The following ANK1 variants were observed in gnomAD, a reference collection of about 807,000 sequenced individuals.
ANK1 encodes ankyrin-1.
ANK1 carries 51 observed loss-of-function variants against 210.4 expected under a neutral mutation model. The observed-to-expected ratio is 0.24, with a 90% CI of 0.19 to 0.31. The LOEUF (loss-of-function observed/expected upper bound fraction) is 0.31. Among genes scored for constraint, ANK1 ranks in the 10% least tolerant of loss-of-function variants. ANK1 has a pLI of 1.00. For missense variants in ANK1, 2,051 were observed against 2,504.4 expected (o/e 0.82, Z 3.86); for synonymous variants, 967 against 1,025.9 (o/e 0.94, Z 1.10).
intron 14 of ANK1, 52 bp downstream of exon 14, chr8:41,715,600 C>A: frequency 1.2e-6 from 2 of 1,604,552 alleles, no homozygotes; most frequent in East Asian, 2.2e-5. Flanking sequence ...GAGCTCCAGG[C>A]CTGGCTGAGT....
At chr8:41,823,958 T>C (rs111896456) in intron 1 of ANK1, among the ~76,000 whole-genome samples, 1,744 of 152,080 alleles carry the variant, frequency 0.011, 21 homozygotes, top group Non-Finnish European at 0.018. Flanking sequence ...GTATTTTTTG[T>C]TTTGTCTTGT....
chr8:41,708,636 G>A, intron 17 of ANK1, 142 bp downstream of exon 17: 1 of 945,122 alleles, frequency 1.1e-6, no homozygotes, highest in South Asian at 1.3e-5. Flanking sequence ...ATAAAATGAA[G>A]GTGAAATGTA....
intron 1 of ANK1, among the ~76,000 whole-genome samples, chr8:41,859,007 T>C (rs1401761017): frequency 6.6e-6 from 1 of 152,170 alleles, no homozygotes; most frequent in African/African-American, 2.4e-5. Flanking sequence ...CCCAGGACTA[T>C]TAGTTGCTGA....
At chr8:41,881,099 C>T (rs1010985774) in intron 1 of ANK1, among the ~76,000 whole-genome samples, 1 of 152,218 alleles carries the variant, frequency 6.6e-6, no homozygotes, top group Non-Finnish European at 1.5e-5. Flanking sequence ...GTGATCTGGA[C>T]AAGCCATTTC....
intron 2 of ANK1, among the ~76,000 whole-genome samples, chr8:41,751,200 C>G (rs1178953860): frequency 6.6e-6 from 1 of 152,154 alleles, no homozygotes; most frequent in Non-Finnish European, 1.5e-5. Context: ...AACAATAATT[C>G]TGGAAACTGA....
chr8:41,710,131 G>A (rs567297691), intron 16 of ANK1, among the ~76,000 whole-genome samples: 4 of 135,286 alleles, frequency 3.0e-5, no homozygotes, highest in African/African-American at 8.1e-5. Context: ...AGGAAGCAGC[G>A]CATGGGTTTA....
chr8:41,660,544 GC>G (rs1003742825), intron 42 of ANK1: 2 of 466,754 alleles, frequency 4.3e-6, no homozygotes, highest in Non-Finnish European at 8.9e-6. Flanking sequence ...GGCCGCTGAA[GC>G]CCCCAGCACC....
chr8:41,689,502 G>C (rs1417806105), intron 33 of ANK1, among the ~76,000 whole-genome samples: 1 of 152,104 alleles, frequency 6.6e-6, no homozygotes, highest in Non-Finnish European at 1.5e-5. Flanking sequence ...ATTGAGCCAT[G>C]GACTTATGAA....
At chr8:41,885,140 T>A (rs1428865739) in intron 1 of ANK1, among the ~76,000 whole-genome samples, 1 of 151,858 alleles carries the variant, frequency 6.6e-6, no homozygotes, top group Admixed American at 6.6e-5. Flanking sequence ...AGGGATGCAA[T>A]GGAGACTCCA....
At chr8:41,838,413 T>C (rs1030056413) in intron 1 of ANK1, among the ~76,000 whole-genome samples, 5 of 152,208 alleles carry the variant, frequency 3.3e-5, no homozygotes, top group African/African-American at 1.2e-4. Context: ...CATTTATTAA[T>C]AGTAAGCACT....
chr8:41,885,721 C>A (rs944166578), intron 1 of ANK1, among the ~76,000 whole-genome samples: 2 of 152,194 alleles, frequency 1.3e-5, no homozygotes, highest in African/African-American at 4.8e-5. Flanking sequence ...ATGGTAGCAA[C>A]CAAAGCAGCT....
chr8:41,696,016 TC>T (rs1387506193), intron 26 of ANK1, among the ~76,000 whole-genome samples: 1 of 152,280 alleles, frequency 6.6e-6, no homozygotes, highest in Non-Finnish European at 1.5e-5. Flanking sequence ...TGGCCTTGTC[TC>T]TAGTGTCACA....
chr8:41,811,964 C>A (rs1018410556), intron 1 of ANK1, among the ~76,000 whole-genome samples: 4 of 152,188 alleles, frequency 2.6e-5, no homozygotes, highest in African/African-American at 9.7e-5. Flanking sequence ...ATTTAATGAT[C>A]CAGCTCCCTG....
At chr8:41,856,896 T>TTTTTA (rs1812280488) in intron 1 of ANK1, among the ~76,000 whole-genome samples, 2 of 116,442 alleles carry the variant, frequency 1.7e-5, no homozygotes, top group African/African-American at 6.7e-5. Flanking sequence ...TTTTTTTTTT[T>TTTTTA]TTTGAGACAG....
At chr8:41,731,771 A>G (rs1832235706) in intron 3 of ANK1, among the ~76,000 whole-genome samples, 1 of 152,184 alleles carries the variant, frequency 6.6e-6, no homozygotes, top group Non-Finnish European at 1.5e-5. Flanking sequence ...TTGCAAAATC[A>G]CAACCTGGGG....
intron 37 of ANK1, 138 bp downstream of exon 37, chr8:41,684,406 G>T: frequency 1.5e-6 from 2 of 1,375,282 alleles, no homozygotes; most frequent in Non-Finnish European, 1.0e-6. Context: ...GGAACTTGTT[G>T]CTGACAAACC....
chr8:41,715,197 G>T (rs1342664220), intron 14 of ANK1, 123 bp from the exon 15 acceptor site: 9 of 909,564 alleles, frequency 9.9e-6, no homozygotes, highest in Non-Finnish European at 1.4e-5. Flanking sequence ...CAAAGGCACA[G>T]CCATTTTTGA....
intron 1 of ANK1, among the ~76,000 whole-genome samples, chr8:41,791,194 G>GTTTTTT (rs71239082): frequency 4.3e-5 from 3 of 70,120 alleles, no homozygotes; most frequent in Admixed American, 2.1e-4. Context: ...TACTAACTTT[G>GTTTTTT]TTTTTTTTTT....
rs201024919 is a variant in ANK1 at position 41,725,874 on chromosome 8, C to G, written c.499G>C (p.Gly167Arg). 6.2e-5 allele frequency: 100 copies of G among 1,613,226 alleles called. No homozygotes were observed. Among genetic ancestry groups the G allele is most frequent in the Admixed American group, 3.8e-4 (23 of 60,000 alleles). The change falls in exon 6 of 43, where the codon GGC becomes CGC. Residue 167 changes from glycine (G) to arginine (R), a missense_variant. Transcript: ENST00000289734. ...ENVVAHLINYGTKGKVRLPAL... is the reference protein window; with the variant it reads ...ENVVAHLINYRTKGKVRLPAL... ...GGGAGGCGCACCTTCCCCTTGGTGC[C>G]GTAGTTGATGAGGTGCGCGACGACG...
Sources: gnomAD v4.1 joint callset for allele counts (sites outside exome capture counted in the v4.1 genomes callset) on GRCh38, gnomAD v4.1.1 for gene constraint, MANE v1.5 for transcripts, NCBI Gene and HGNC (gene_info 2026-07-23, HGNC 2026-07-21) for gene names.